The following REDIC1 variants were observed in gnomAD, a reference collection of about 807,000 sequenced individuals.
REDIC1 encodes the protein HEI10 Interacting Protein 1.
At chr12:39,698,340 A>C in the REDIC1 span, among the ~76,000 whole-genome samples, 1 of 152,206 alleles carries the variant, frequency 6.6e-6, no homozygotes, top group Non-Finnish European at 1.5e-5. Context: ...ACCCAGATAC[A>C]TAAAGCAAAT....
chr12:39,714,511 T>G, the REDIC1 span, among the ~76,000 whole-genome samples: 2 of 151,626 alleles, frequency 1.3e-5, no homozygotes, highest in African/African-American at 4.8e-5. Flanking sequence ...TATGCTGCTG[T>G]AAACGTGTGT....
At chr12:39,683,196 G>GTA in the REDIC1 span, 4 of 1,455,842 alleles carry the variant, frequency 2.7e-6, no homozygotes, top group South Asian at 2.7e-5. Context: ...TTCAGTTTTA[G>GTA]TATATATATT....
chr12:39,712,817 ATGTG>A, the REDIC1 span, among the ~76,000 whole-genome samples: 25 of 9,100 alleles, frequency 2.7e-3, 1 homozygote, highest in South Asian at 0.038. Context: ...ACTCGTATAC[ATGTG>A]TGTATGTATA....
chr12:39,820,111 A>G, the REDIC1 span, among the ~76,000 whole-genome samples: 1 of 152,156 alleles, frequency 6.6e-6, no homozygotes, highest in Non-Finnish European at 1.5e-5. Flanking sequence ...CTCATTTACC[A>G]AATAAATGAC....
chr12:39,744,634 C>T, the REDIC1 span, among the ~76,000 whole-genome samples: 1 of 152,024 alleles, frequency 6.6e-6, no homozygotes, highest in Non-Finnish European at 1.5e-5. Flanking sequence ...TAGTACATTG[C>T]AAACTCCAGG....
chr12:39,699,128 T>C, the REDIC1 span, among the ~76,000 whole-genome samples: 4 of 152,100 alleles, frequency 2.6e-5, no homozygotes, highest in Non-Finnish European at 4.4e-5. Context: ...ATAAATAAAA[T>C]CAGAGGCCCA....
chr12:39,900,485 C>A, the REDIC1 span, among the ~76,000 whole-genome samples: 1 of 152,036 alleles, frequency 6.6e-6, no homozygotes, highest in African/African-American at 2.4e-5. Flanking sequence ...GCAACTTCAG[C>A]AAAGTCTCAG....
At chr12:39,629,506 A>G in the REDIC1 span, among the ~76,000 whole-genome samples, 1 of 152,176 alleles carries the variant, frequency 6.6e-6, no homozygotes, top group African/African-American at 2.4e-5. Flanking sequence ...AGTTGCAAAG[A>G]TCTTTACAGC....
chr12:39,654,095 G>A, the REDIC1 span, among the ~76,000 whole-genome samples: 1 of 149,554 alleles, frequency 6.7e-6, no homozygotes, highest in Non-Finnish European at 1.5e-5. Context: ...TTAGCTATAG[G>A]TGTTTTTGTA....
chr12:39,713,429 TATGTGTACATATACATATGTATAC>T, the REDIC1 span, among the ~76,000 whole-genome samples: 11 of 8,802 alleles, frequency 1.2e-3, no homozygotes, highest in Non-Finnish European at 4.0e-3. Context: ...CATATGTATA[TATGTGTACATATACATATGTATAC>T]ATACATTTGT....
the REDIC1 span, among the ~76,000 whole-genome samples, chr12:39,880,843 C>T: frequency 6.6e-6 from 1 of 152,186 alleles, no homozygotes; most frequent in Non-Finnish European, 1.5e-5. Flanking sequence ...CTTTAAGCAT[C>T]ATGGAGAACA....
chr12:39,703,468 A>G, the REDIC1 span, among the ~76,000 whole-genome samples: 238 of 151,100 alleles, frequency 1.6e-3, 1 homozygote, highest in African/African-American at 5.7e-3. Context: ...TTCCATGCTC[A>G]TGGGTAGGAA....
At chr12:39,675,448 C>T in the REDIC1 span, among the ~76,000 whole-genome samples, 2 of 152,192 alleles carry the variant, frequency 1.3e-5, no homozygotes, top group African/African-American at 4.8e-5. Flanking sequence ...CATACCCCTT[C>T]TACTACCACA....
the REDIC1 span, among the ~76,000 whole-genome samples, chr12:39,681,281 A>G: frequency 6.6e-6 from 1 of 152,126 alleles, no homozygotes; most frequent in Non-Finnish European, 1.5e-5. Context: ...TCCCACACAC[A>G]CAAAAAAGAT....
chr12:39,678,819 A>G, the REDIC1 span, among the ~76,000 whole-genome samples: 65 of 152,140 alleles, frequency 4.3e-4, no homozygotes, highest in Non-Finnish European at 1.9e-4. Context: ...AATATCATAC[A>G]CTACATAAAC....
At chr12:39,746,907 A>G in the REDIC1 span, among the ~76,000 whole-genome samples, 3 of 152,388 alleles carry the variant, frequency 2.0e-5, no homozygotes, top group East Asian at 5.8e-4. Context: ...AAGGACATCC[A>G]CACCAAAAAC....
At chr12:39,698,346 C>T in the REDIC1 span, among the ~76,000 whole-genome samples, 1 of 152,036 alleles carries the variant, frequency 6.6e-6, no homozygotes, top group Non-Finnish European at 1.5e-5. Flanking sequence ...ATACATAAAG[C>T]AAATATTATT....
chr12:39,797,146 A>G, the REDIC1 span, among the ~76,000 whole-genome samples: 1 of 152,216 alleles, frequency 6.6e-6, no homozygotes, highest in African/African-American at 2.4e-5. Flanking sequence ...TATTTGTAAA[A>G]ATTCTGATGT....
the REDIC1 span, chr12:39,865,010 C>T: frequency 3.8e-6 from 3 of 788,012 alleles, no homozygotes; most frequent in Non-Finnish European, 5.7e-6. Context: ...ATACCGTGCT[C>T]TATCTTCACT....
Sources: allele counts gnomAD v4.1 joint callset (sites outside exome capture counted in the v4.1 genomes callset), GRCh38; gene constraint gnomAD v4.1.1; transcripts MANE v1.5; gene names NCBI Gene and HGNC (gene_info 2026-07-23, HGNC 2026-07-21).